ATP8B4: variants seen among roughly 807,000 people sequenced by gnomAD.
ATP8B4 encodes the protein probable phospholipid-transporting ATPase IM.
In ATP8B4, 133 loss-of-function variants were observed where a neutral mutation model predicts 145.6. The ratio of observed to expected loss-of-function variants is 0.91; its 90% confidence interval spans 0.79 to 1.05. The LOEUF (loss-of-function observed/expected upper bound fraction) is 1.05, where lower values mean the gene tolerates loss of function less well. ATP8B4 is among the 50% of genes least tolerant of loss of function. The probability of loss-of-function intolerance (pLI) is 0.00; values close to 1 mark genes in which losing one functional copy is unlikely to be tolerated. For synonymous variants in ATP8B4, 507 were observed against 492.9 expected (o/e 1.03, Z -0.38); for missense variants, 1,458 against 1,425.2 (o/e 1.02, Z -0.37).
At chr15:50,026,986 C>T (rs2050054434) in intron 6 of ATP8B4, among the ~76,000 whole-genome samples, 3 of 152,150 alleles carry the variant, frequency 2.0e-5, no homozygotes, top group Admixed American at 2.0e-4. Context: ...CCTAGTAATC[C>T]TCTATGGCCT....
At chr15:50,163,055 C>CA (rs1412419745) in intron 1 of ATP8B4, among the ~76,000 whole-genome samples, 1 of 152,188 alleles carries the variant, frequency 6.6e-6, no homozygotes, top group Non-Finnish European at 1.5e-5. Flanking sequence ...TAAGGTTTCT[C>CA]AAAACAGTTA....
At chr15:50,024,511 G>C (rs2049857811) in intron 6 of ATP8B4, among the ~76,000 whole-genome samples, 1 of 152,188 alleles carries the variant, frequency 6.6e-6, no homozygotes, top group African/African-American at 2.4e-5. Context: ...AAAGGGGAAA[G>C]CATGTAAGAA....
At chr15:50,086,600 ATATT>A (rs1295535461) in intron 2 of ATP8B4, among the ~76,000 whole-genome samples, 9 of 116,200 alleles carry the variant, frequency 7.7e-5, no homozygotes, top group Admixed American at 9.7e-5. Context: ...ATAGAGATCT[ATATT>A]TATTATATAT....
chr15:50,078,575 T>G (rs1294650440), intron 2 of ATP8B4, among the ~76,000 whole-genome samples: 2 of 150,326 alleles, frequency 1.3e-5, no homozygotes, highest in Non-Finnish European at 3.0e-5. Context: ...TAAGGGAACA[T>G]AGACAATGGA....
chr15:49,892,359 T>C (rs1240671021), intron 23 of ATP8B4, among the ~76,000 whole-genome samples: 1 of 152,172 alleles, frequency 6.6e-6, no homozygotes, highest in Non-Finnish European at 1.5e-5. Context: ...ACTTTGAGAA[T>C]AATGGAAAAG....
At chr15:49,920,136 A>G (rs2040122284) in intron 18 of ATP8B4, 110 bp downstream of exon 18, 1 of 1,332,126 alleles carries the variant, frequency 7.5e-7, no homozygotes, top group Non-Finnish European at 1.0e-6. Context: ...TGAAAGAGAA[A>G]CATCTGCTGT....
intron 14 of ATP8B4, among the ~76,000 whole-genome samples, chr15:49,953,593 GA>G (rs2043289875): frequency 6.6e-6 from 1 of 152,220 alleles, no homozygotes; most frequent in Non-Finnish European, 1.5e-5. Flanking sequence ...TGGAGCTACA[GA>G]AATTGGTGCT....
At chr15:49,864,884 A>G (rs910832205) in intron 26 of ATP8B4, among the ~76,000 whole-genome samples, 1 of 152,220 alleles carries the variant, frequency 6.6e-6, no homozygotes, top group Non-Finnish European at 1.5e-5. Context: ...TAATATCCTC[A>G]GTTTATAAGT....
chr15:50,081,193 C>T (rs1042302448), intron 2 of ATP8B4, among the ~76,000 whole-genome samples: 6 of 151,816 alleles, frequency 4.0e-5, no homozygotes, highest in Non-Finnish European at 5.9e-5. Context: ...GATCCTTCTG[C>T]AAGTACCTAT....
rs1272093101 is a variant in ATP8B4 at position 50,038,822 on chromosome 15, T to A, written c.308A>T (p.His103Leu). The A allele has an allele frequency of 6.2e-7, 1 of 1,613,548 alleles. No homozygotes were observed. Among genetic ancestry groups the A allele is most frequent in the Non-Finnish European group, 8.5e-7 (1 of 1,179,534 alleles). Residue 103 changes from histidine (H) to leucine (L), a missense_variant, in exon 6 of 28, where the codon CAC becomes CTC. By Grantham distance (99) the His-to-Leu change is moderately conservative. Coordinates refer to ENST00000284509, the MANE Select transcript of ATP8B4 (RefSeq NM_024837.4). ...ATTATTCACTTGATTATCACTCTTGTGGCGAAACTGAAAAATCAAAGTGTT... is the reference window on the plus strand; with the variant it reads ...ATTATTCACTTGATTATCACTCTTGAGGCGAAACTGAAAAATCAAAGTGTT... ...VKDATDDYFRHKSDNQVNNRQ... is the reference protein window; with the variant it reads ...VKDATDDYFRLKSDNQVNNRQ...
At chr15:49,987,359 C>T (rs1304639973) in intron 10 of ATP8B4, 32 bp downstream of exon 10, 1 of 1,606,280 alleles carries the variant, frequency 6.2e-7, no homozygotes, top group South Asian at 1.1e-5. Context: ...GGAAAGGTTC[C>T]CACAGAGCTG....
At chr15:50,104,887 A>ACACACACACC (rs753542910) in intron 2 of ATP8B4, among the ~76,000 whole-genome samples, 2 of 151,396 alleles carry the variant, frequency 1.3e-5, no homozygotes, top group African/African-American at 4.8e-5. Flanking sequence ...ACACACACAC[A>ACACACACACC]CCCATATATA....
intron 8 of ATP8B4, among the ~76,000 whole-genome samples, 184 bp from the exon 9 acceptor site, chr15:49,996,943 A>G (rs906202943): frequency 6.6e-6 from 1 of 152,158 alleles, no homozygotes; most frequent in Non-Finnish European, 1.5e-5. Context: ...TTGGGCTCCA[A>G]AGAGTTGGCA....
intron 25 of ATP8B4, among the ~76,000 whole-genome samples, chr15:49,868,869 T>C (rs527697243): frequency 6.6e-6 from 1 of 152,286 alleles, no homozygotes; most frequent in African/African-American, 2.4e-5. Context: ...GAGAAATCAC[T>C]AGTAAAATAA....
chr15:50,157,320 C>A (rs1273030624), intron 1 of ATP8B4, among the ~76,000 whole-genome samples: 1 of 152,134 alleles, frequency 6.6e-6, no homozygotes, highest in Non-Finnish European at 1.5e-5. Context: ...AGAGACTCAG[C>A]CTGAGAGAAG....
chr15:50,006,489 C>CAA (rs750033683), intron 7 of ATP8B4, among the ~76,000 whole-genome samples: 2,291 of 47,778 alleles, frequency 0.048, 172 homozygotes, highest in African/African-American at 0.16. Flanking sequence ...ATGAGACCAC[C>CAA]AAAAAAAAAA....
At chr15:50,107,415 A>G (rs953584485) in intron 1 of ATP8B4, among the ~76,000 whole-genome samples, 29 of 152,214 alleles carry the variant, frequency 1.9e-4, no homozygotes, top group Non-Finnish European at 4.3e-4. Flanking sequence ...TGTGACAGGA[A>G]ATTATTGCCC....
chr15:50,170,790 A>C (rs1421093633), intron 1 of ATP8B4, among the ~76,000 whole-genome samples: 1 of 152,248 alleles, frequency 6.6e-6, no homozygotes, highest in Non-Finnish European at 1.5e-5. Flanking sequence ...CCTACCAATC[A>C]ACTATCTGCT....
chr15:50,095,313 A>G (rs756419429), intron 2 of ATP8B4, among the ~76,000 whole-genome samples: 1 of 152,186 alleles, frequency 6.6e-6, no homozygotes, highest in Non-Finnish European at 1.5e-5. Context: ...GAAAGAGAGC[A>G]TGTGGCAAAA....
Sources: allele counts gnomAD v4.1 joint callset (sites outside exome capture counted in the v4.1 genomes callset), GRCh38; gene constraint gnomAD v4.1.1; transcripts MANE v1.5; gene names NCBI Gene and HGNC (gene_info 2026-07-23, HGNC 2026-07-21).